The following TENM4 variants were observed in gnomAD, a reference collection of about 807,000 sequenced individuals.
TENM4 encodes teneurin-4.
A neutral mutation model predicts 243.3 loss-of-function variants in TENM4; 82 were observed. The observed-to-expected ratio is 0.34, with a 90% CI of 0.28 to 0.40. The LOEUF is 0.40. TENM4 is among the 10% of genes least tolerant of loss of function. The probability of loss-of-function intolerance (pLI) is 1.00; values close to 1 mark genes in which losing one functional copy is unlikely to be tolerated. For missense variants in TENM4, 3,138 were observed against 3,673.3 expected (o/e 0.85, Z 3.77); for synonymous variants, 1,412 against 1,456.3 (o/e 0.97, Z 0.69).
At chr11:78,920,301 A>G (rs1054748173) in intron 6 of TENM4, among the ~76,000 whole-genome samples, 2 of 152,158 alleles carry the variant, frequency 1.3e-5, no homozygotes, top group Non-Finnish European at 2.9e-5. Context: ...AGTTTTTAAA[A>G]CCAGAGATGT....
intron 12 of TENM4, among the ~76,000 whole-genome samples, chr11:78,833,656 T>C (rs1441601133): frequency 6.6e-6 from 1 of 152,210 alleles, no homozygotes; most frequent in East Asian, 1.9e-4. Context: ...TCCTTCTTTA[T>C]TAAACCTTTT....
intron 4 of TENM4, among the ~76,000 whole-genome samples, chr11:79,132,434 C>T (rs1862028621): frequency 6.7e-6 from 1 of 150,354 alleles, no homozygotes; most frequent in Non-Finnish European, 1.5e-5. Flanking sequence ...CTAGACAGGT[C>T]ATCAAGACAG....
chr11:78,921,338 C>G (rs1856442867), intron 6 of TENM4, among the ~76,000 whole-genome samples: 2 of 152,200 alleles, frequency 1.3e-5, no homozygotes, highest in South Asian at 4.1e-4. Context: ...TGCCACGGCA[C>G]AGCAACCATG....
intron 1 of TENM4, among the ~76,000 whole-genome samples, chr11:79,373,314 C>CTGGA (rs1857823313): frequency 7.0e-6 from 1 of 141,920 alleles, no homozygotes; most frequent in Admixed American, 6.9e-5. Context: ...GGCTGGCTGG[C>CTGGA]TGGCTGGCTG....
At chr11:78,939,655 T>C (rs542128694) in intron 6 of TENM4, among the ~76,000 whole-genome samples, 2 of 152,278 alleles carry the variant, frequency 1.3e-5, no homozygotes, top group Admixed American at 1.3e-4. Flanking sequence ...AAACTATTAG[T>C]AAAATGGGTT....
intron 12 of TENM4, among the ~76,000 whole-genome samples, chr11:78,853,462 A>G (rs994629277): frequency 2.6e-5 from 4 of 152,144 alleles, no homozygotes; most frequent in African/African-American, 4.8e-5. Context: ...GCTCAGGGTG[A>G]ACTGGGAGCT....
intron 6 of TENM4, among the ~76,000 whole-genome samples, chr11:79,059,430 C>T (rs1167877011): frequency 2.0e-5 from 3 of 152,142 alleles, no homozygotes; most frequent in African/African-American, 7.2e-5. Flanking sequence ...AAATGAACTG[C>T]TCCTTTATTG....
Position 79,148,763 on chromosome 11 carries a change from G to C in TENM4, c.-119C>G. 1.0e-6 allele frequency: 1 copy of C among 983,082 alleles called. No individual in the cohort carries two copies. The highest frequency in any genetic ancestry group is 1.2e-6 in the Non-Finnish European group (1 of 827,630). 60.9% of individuals were successfully genotyped at this position (983,082 alleles called of 1,614,324 possible). A position where few individuals can be genotyped will look rare whatever the true frequency, so the allele number is the denominator to read the frequency against. ...AAGAATAGTCCTTCAAATAATCCTT[G>C]AAGTATGCAATTTTAATTTGGACAC... On this transcript the variant is annotated 5_prime_UTR_variant, in exon 4 of 34. Coordinates refer to ENST00000278550, the MANE Select transcript of TENM4 (RefSeq NM_001098816.3).
intron 4 of TENM4, among the ~76,000 whole-genome samples, chr11:79,074,399 A>G (rs1055175167): frequency 6.6e-6 from 1 of 151,928 alleles, no homozygotes; most frequent in African/African-American, 2.4e-5. Flanking sequence ...AGACCCTGCA[A>G]CCCCCAGCCA....
At chr11:79,250,550 A>G (rs1279195597) in intron 2 of TENM4, among the ~76,000 whole-genome samples, 1 of 152,246 alleles carries the variant, frequency 6.6e-6, no homozygotes, top group Non-Finnish European at 1.5e-5. Flanking sequence ...CACCTTTTTA[A>G]GAAAATATTT....
intron 2 of TENM4, among the ~76,000 whole-genome samples, chr11:79,294,621 G>A (rs1008798721): frequency 6.6e-6 from 1 of 152,150 alleles, no homozygotes; most frequent in Admixed American, 6.5e-5. Context: ...GGATGAGGTG[G>A]GCAAATCATC....
chr11:78,905,369 G>A (rs1298403525), intron 6 of TENM4, among the ~76,000 whole-genome samples: 2 of 152,142 alleles, frequency 1.3e-5, no homozygotes, highest in East Asian at 3.9e-4. Context: ...TGCCAAAGAG[G>A]TACAAAGCCA....
chr11:79,335,431 G>A lies in TENM4; in HGVS notation c.-320-37888C>T, dbSNP rs192798227. On this transcript the variant is annotated intron_variant, in intron 1 of 33. Coordinates refer to ENST00000278550, the MANE Select transcript of TENM4 (RefSeq NM_001098816.3). ...TATAAGGCAGGTTGATTAGCATTGC[G>A]GAGAAGACATAAACTAAGAAATGGC... Among the ~76,000 whole-genome samples the A allele has an allele frequency of 6.6e-5, 10 of 152,344 alleles. No homozygotes were observed. In the South Asian group the frequency reaches 1.2e-3, roughly 19 times the overall value.
At chr11:78,979,383 G>A (rs765825310) in intron 6 of TENM4, among the ~76,000 whole-genome samples, 1 of 152,210 alleles carries the variant, frequency 6.6e-6, no homozygotes, top group Non-Finnish European at 1.5e-5. Flanking sequence ...ACAATGCTGT[G>A]AGAGGCAAAC....
At chr11:79,225,024 T>C (rs984085523) in intron 2 of TENM4, among the ~76,000 whole-genome samples, 20 of 151,614 alleles carry the variant, frequency 1.3e-4, no homozygotes, top group East Asian at 3.9e-4. Flanking sequence ...CAGGTGAAGA[T>C]GGGATTCACG....
At chr11:79,338,738 T>C (rs897701754) in intron 1 of TENM4, among the ~76,000 whole-genome samples, 4 of 152,218 alleles carry the variant, frequency 2.6e-5, no homozygotes, top group African/African-American at 9.6e-5. Flanking sequence ...TCGCTTGATA[T>C]TCCTGAGGCC....
At chr11:79,287,625 A>G (rs925123544) in intron 2 of TENM4, among the ~76,000 whole-genome samples, 12 of 152,152 alleles carry the variant, frequency 7.9e-5, no homozygotes, top group Non-Finnish European at 1.5e-4. Context: ...TGCTTGATGC[A>G]TTATAATGGC....
In TENM4 at chr11:79,411,934, T is replaced by C. The variant is rs796443911; in HGVS notation, c.-321+28575A>G. ...TATTAAACATCAACAAATGCTCATC[T>C]TCAAGAGGAAATTCTATGGTAGTGG... On this transcript the variant is annotated intron_variant, in intron 1 of 33. Transcript: ENST00000278550. 4.6e-5 allele frequency among the ~76,000 whole-genome samples: 7 copies of C among 152,348 alleles called. No individual in the cohort carries two copies. The South Asian group carries it at 1.2e-3, about 27-fold the overall frequency.
chr11:79,138,128 G>C, intron 4 of TENM4, among the ~76,000 whole-genome samples: 1 of 151,032 alleles, frequency 6.6e-6, no homozygotes, highest in East Asian at 2.0e-4. Context: ...AATGTAAAAA[G>C]AGAGACTGGC....
Sources: gnomAD v4.1 joint callset for allele counts (sites outside exome capture counted in the v4.1 genomes callset) on GRCh38, gnomAD v4.1.1 for gene constraint, MANE v1.5 for transcripts, NCBI Gene and HGNC (gene_info 2026-07-23, HGNC 2026-07-21) for gene names.